Variants in ESYT2 observed in about 807,000 individuals in gnomAD.
ESYT2 encodes the protein extended synaptotagmin-2.
ESYT2 carries 54 observed loss-of-function variants against 107.2 expected under a neutral mutation model. The ratio of observed to expected loss-of-function variants is 0.50; its 90% CI spans 0.40 to 0.63. The LOEUF (loss-of-function observed/expected upper bound fraction) is 0.63. ESYT2 is among the 30% of genes least tolerant of loss of function. The pLI is 0.00. For synonymous variants in ESYT2, 491 were observed against 434.1 expected (o/e 1.13, Z -1.63); for missense variants, 1,020 against 1,094.5 (o/e 0.93, Z 0.96).
At chr7:158,780,683 G>C (rs1255567241) in intron 6 of ESYT2, among the ~76,000 whole-genome samples, 3 of 152,250 alleles carry the variant, frequency 2.0e-5, no homozygotes, top group African/African-American at 7.2e-5. Context: ...ACATTTAAGT[G>C]CTACTGAAGT....
intron 1 of ESYT2, among the ~76,000 whole-genome samples, chr7:158,819,181 G>A (rs982995930): frequency 2.6e-5 from 4 of 152,102 alleles, no homozygotes; most frequent in African/African-American, 9.7e-5. Flanking sequence ...AAAGAGATAG[G>A]GATAAATCCT....
At chr7:158,805,999 C>A (rs1400338287) in intron 1 of ESYT2, among the ~76,000 whole-genome samples, 2 of 152,180 alleles carry the variant, frequency 1.3e-5, no homozygotes, top group Non-Finnish European at 2.9e-5. Flanking sequence ...GCTGTGGCCA[C>A]CATGGGCCCC....
In ESYT2 at chr7:158,737,105, G is replaced by A; in HGVS notation, c.2342C>T (p.Ser781Leu). The A allele has an allele frequency of 1.9e-6, 3 of 1,613,968 alleles. No individual in the cohort carries two copies. The highest frequency in any genetic ancestry group is 2.5e-6 in the Non-Finnish European group (3 of 1,179,932). Residue 781 changes from serine (S) to leucine (L), a missense_variant, in exon 20 of 23, where the codon TCA becomes TTA. Transcript: ENST00000275418. ...RMYLLPDKRR[S>L]GRRKTHVSKK... ...TGACACGTGTGTTTTCCTCCTTCCTGACCGCCTCTTGTCTGGTAATAAATA... is the reference window on the plus strand; with the variant it reads ...TGACACGTGTGTTTTCCTCCTTCCTAACCGCCTCTTGTCTGGTAATAAATA...
At chr7:158,786,018 T>C (rs1839102648) in intron 6 of ESYT2, among the ~76,000 whole-genome samples, 1 of 152,214 alleles carries the variant, frequency 6.6e-6, no homozygotes, top group Admixed American at 6.5e-5. Context: ...TCTCATATTT[T>C]CCAGTAAAAT....
chr7:158,801,832 C>CT lies in ESYT2; in HGVS notation c.331-2761_331-2760insA, dbSNP rs142127807. ...CAAAGGCGTATTTTAGATTCTAATA[C>CT]GCTGCTATTACCAAAGTTGTTTTGT... is the stretch of plus-strand genomic sequence containing the variant. On this transcript the variant is annotated intron_variant, in intron 1 of 22. Transcript: ENST00000275418. Among the ~76,000 whole-genome samples the CT allele has an allele frequency of 3.2e-4, 48 of 152,128 alleles. No homozygotes were observed. The South Asian group carries it at 5.8e-3, about 18-fold the overall frequency.
chr7:158,733,905 T>C lies in ESYT2; in HGVS notation c.*302A>G, dbSNP rs1339528129. ...CAGTGATATATAAACAAGGCCATAA[T>C]AAAGCACAGACACATCCGACTCCTA... On this transcript the variant is annotated 3_prime_UTR_variant, in exon 23 of 23. Transcript: ENST00000275418. 2.8e-6 allele frequency: 1 copy of C among 362,110 alleles called. No homozygotes were observed. Among genetic ancestry groups the C allele is most frequent in the Non-Finnish European group, 5.1e-6 (1 of 194,880 alleles). 22.4% of individuals were successfully genotyped at this position (362,110 alleles called of 1,614,324 possible). A position where few individuals can be genotyped will look rare whatever the true frequency, so the allele number is the denominator to read the frequency against.
intron 1 of ESYT2, among the ~76,000 whole-genome samples, chr7:158,821,579 T>C (rs1272840955): frequency 1.3e-5 from 2 of 152,244 alleles, no homozygotes; most frequent in Non-Finnish European, 2.9e-5. Context: ...CCCTGCATCC[T>C]GTAAATCAGA....
intron 2 of ESYT2, 81 bp from the exon 3 acceptor site, chr7:158,798,157 A>T (rs1009600876): frequency 6.9e-7 from 1 of 1,452,514 alleles, no homozygotes; most frequent in East Asian, 2.3e-5. Context: ...AAACCCTCGC[A>T]ACAGACCAAA....
chr7:158,748,668 G>A (rs1837484451), intron 15 of ESYT2, among the ~76,000 whole-genome samples: 1 of 151,866 alleles, frequency 6.6e-6, no homozygotes, highest in African/African-American at 2.4e-5. Flanking sequence ...TCACAATTCA[G>A]TGAGTGATGA....
At chr7:158,781,926 A>G (rs1189212) in intron 6 of ESYT2, among the ~76,000 whole-genome samples, 132,943 of 142,162 alleles carry the variant, frequency 0.94, 62,150 homozygotes, top group East Asian at 0.95. Context: ...CAAAGTGTGA[A>G]AGGTATGAGT....
At chr7:158,760,014 GTAGT>G in intron 12 of ESYT2, 40 bp downstream of exon 12, 1 of 1,561,334 alleles carries the variant, frequency 6.4e-7, no homozygotes, top group Non-Finnish European at 8.8e-7. Context: ...GTTATGAGGA[GTAGT>G]TGGTTAGGTA....
chr7:158,749,942 T>G (rs1338909619), intron 14 of ESYT2, among the ~76,000 whole-genome samples: 1 of 152,042 alleles, frequency 6.6e-6, no homozygotes. Flanking sequence ...AAGGTTAGAG[T>G]CTGGTATTTT....
chr7:158,754,185 G>T (rs1837676377), intron 13 of ESYT2, among the ~76,000 whole-genome samples: 1 of 151,716 alleles, frequency 6.6e-6, no homozygotes, highest in Non-Finnish European at 1.5e-5. Flanking sequence ...AGCCACCTGT[G>T]TTTTTTGTTT....
At chr7:158,781,116 CGA>C (rs1220583290) in intron 6 of ESYT2, among the ~76,000 whole-genome samples, 2 of 152,072 alleles carry the variant, frequency 1.3e-5, no homozygotes, top group East Asian at 1.9e-4. Flanking sequence ...AGAACAAGTA[CGA>C]GAGAACGAGA....
chr7:158,805,781 T>C (rs954054219), intron 1 of ESYT2, among the ~76,000 whole-genome samples: 1 of 152,246 alleles, frequency 6.6e-6, no homozygotes, highest in Non-Finnish European at 1.5e-5. Context: ...GAAATTTCAC[T>C]AGGAAATCCG....
At chr7:158,756,698 C>G (rs1004610238) in intron 13 of ESYT2, among the ~76,000 whole-genome samples, 2 of 151,980 alleles carry the variant, frequency 1.3e-5, no homozygotes, top group Non-Finnish European at 2.9e-5. Flanking sequence ...TGCCTGAGAT[C>G]AGGAGTTGGA....
At chr7:158,764,271 T>C (rs1025705421) in intron 9 of ESYT2, among the ~76,000 whole-genome samples, 2 of 152,158 alleles carry the variant, frequency 1.3e-5, no homozygotes, top group African/African-American at 2.4e-5. Flanking sequence ...AAAAATCACG[T>C]AGATCTCTAT....
At chr7:158,771,046 A>G (rs1329708724) in intron 7 of ESYT2, among the ~76,000 whole-genome samples, 2 of 152,252 alleles carry the variant, frequency 1.3e-5, no homozygotes, top group East Asian at 3.9e-4. Context: ...AAGAGCCTAC[A>G]TAAAAATTAT....
At chr7:158,808,893 T>C (rs974211042) in intron 1 of ESYT2, among the ~76,000 whole-genome samples, 4 of 151,916 alleles carry the variant, frequency 2.6e-5, no homozygotes, top group Non-Finnish European at 5.9e-5. Context: ...CGAGAATTGC[T>C]TGAACTCGGG....
Sources: allele counts gnomAD v4.1 joint callset (sites outside exome capture counted in the v4.1 genomes callset), GRCh38; gene constraint gnomAD v4.1.1; transcripts MANE v1.5; gene names NCBI Gene and HGNC (gene_info 2026-07-23, HGNC 2026-07-21).